The following PACS2 variants were observed in gnomAD, a reference collection of about 807,000 sequenced individuals.
The protein encoded by PACS2 is phosphofurin acidic cluster sorting protein 2.
A neutral mutation model predicts 113.0 loss-of-function variants in PACS2; 36 were observed. The ratio of observed to expected loss-of-function variants is 0.32; its 90% CI spans 0.24 to 0.42. The LOEUF (loss-of-function observed/expected upper bound fraction) is 0.42. PACS2 is among the 10% of genes least tolerant of loss of function. The probability of loss-of-function intolerance (pLI) is 1.00; values close to 1 mark genes in which losing one functional copy is unlikely to be tolerated. For synonymous variants in PACS2, 589 were observed against 536.1 expected (o/e 1.10, Z -1.36); for missense variants, 1,015 against 1,239.5 (o/e 0.82, Z 2.72).
At chr14:105,350,175 G>A (rs587618572) in intron 2 of PACS2, among the ~76,000 whole-genome samples, 68 of 152,270 alleles carry the variant, frequency 4.5e-4, no homozygotes, top group Non-Finnish European at 8.2e-4. Context: ...CGTCCCTGGG[G>A]AACAGGGAGC....
At chr14:105,302,422 TG>T (rs1293797534) in intron 1 of PACS2, among the ~76,000 whole-genome samples, 9 of 151,812 alleles carry the variant, frequency 5.9e-5, no homozygotes, top group African/African-American at 1.9e-4. Context: ...AGGCCAGTCT[TG>T]AACTCCCGAC....
chr14:105,304,133 G>A (rs897838235), intron 1 of PACS2, among the ~76,000 whole-genome samples: 20 of 152,232 alleles, frequency 1.3e-4, no homozygotes, highest in African/African-American at 4.3e-4. Flanking sequence ...AGGCTGTACA[G>A]GACAGGATTG....
chr14:105,349,878 G>A (rs1443722815), intron 2 of PACS2, among the ~76,000 whole-genome samples: 2 of 147,598 alleles, frequency 1.4e-5, no homozygotes, highest in Admixed American at 6.6e-5. Flanking sequence ...CCAGGAGAGC[G>A]TGGCTAATAG....
chr14:105,362,243 A>G (rs7160904), intron 4 of PACS2, among the ~76,000 whole-genome samples: 4 of 150,128 alleles, frequency 2.7e-5, no homozygotes, highest in Non-Finnish European at 4.4e-5. Context: ...ACAGTGAAAC[A>G]CCGTCTCTAC....
chr14:105,331,546 T>C (rs10148379), intron 1 of PACS2, among the ~76,000 whole-genome samples: 17,609 of 152,192 alleles, frequency 0.12, 3,455 homozygotes, highest in African/African-American at 0.4. Context: ...CCTCCTAAAG[T>C]GCTGGGATTA....
chr14:105,306,428 C>T (rs142617367), intron 1 of PACS2, among the ~76,000 whole-genome samples: 5,795 of 152,132 alleles, frequency 0.038, 410 homozygotes, highest in African/African-American at 0.13. Context: ...CTCAGCCTCC[C>T]GATTAGCTGG....
At chr14:105,360,182 G>A (rs1449698606) in intron 4 of PACS2, among the ~76,000 whole-genome samples, 1 of 152,182 alleles carries the variant, frequency 6.6e-6, no homozygotes, top group Admixed American at 6.5e-5. Flanking sequence ...TGTTTACACT[G>A]TACTGTAGTC....
chr14:105,304,466 C>T (rs187126279), intron 1 of PACS2, among the ~76,000 whole-genome samples: 28 of 151,628 alleles, frequency 1.8e-4, no homozygotes, highest in East Asian at 1.2e-3. Context: ...TCAGCCTGGA[C>T]GACAAGAGTG....
chr14:105,379,673 C>G, intron 9 of PACS2, 66 bp from the exon 10 acceptor site: 1 of 1,317,040 alleles, frequency 7.6e-7, no homozygotes, highest in East Asian at 2.3e-5. Context: ...GGTGGGAGAA[C>G]TGCGCTTTCA....
At chr14:105,368,313 GT>G in intron 6 of PACS2, 145 bp from the exon 7 acceptor site, 1 of 820,394 alleles carries the variant, frequency 1.2e-6, no homozygotes. Flanking sequence ...AGGGGCCCGA[GT>G]TTATGCTCAG....
In PACS2 at chr14:105,356,759, T is replaced by C. The variant is rs2060465132; in HGVS notation, c.423+1582T>C. On this transcript the variant is annotated intron_variant, in intron 4 of 24. Coordinates refer to ENST00000447393, the MANE Select transcript of PACS2 (RefSeq NM_001100913.3). The surrounding 1 kb of genome is among the most constrained non-coding windows in gnomAD (Gnocchi z 4.0). ...TCCCTGCCGGTCCCTGTGTTTCCCA[T>C]TAGCCATGCAGGCGAGGTCCTGCTG... 1.3e-5 allele frequency among the ~76,000 whole-genome samples: 2 copies of C among 148,684 alleles called. No individual in the cohort carries two copies. The highest frequency in any genetic ancestry group is 3.0e-5 in the Non-Finnish European group (2 of 67,130).
upstream of PACS2, among the ~76,000 whole-genome samples, chr14:105,313,547 T>TA (rs1195887856): frequency 1.4e-4 from 21 of 152,214 alleles, no homozygotes; most frequent in Admixed American, 1.3e-3. Context: ...ATACAGGAGT[T>TA]ACAGCTGGAG....
At chr14:105,302,493 G>C (rs867200898) in intron 1 of PACS2, among the ~76,000 whole-genome samples, 2 of 151,748 alleles carry the variant, frequency 1.3e-5, no homozygotes, top group African/African-American at 4.8e-5. Flanking sequence ...ATGAGCCACC[G>C]TGCATGGCCC....
chr14:105,385,000 G>A lies in PACS2; in HGVS notation c.2000+13G>A, dbSNP rs781807539. On this transcript the variant is annotated intron_variant, in intron 18 of 24. Coordinates refer to ENST00000447393, the MANE Select transcript of PACS2 (RefSeq NM_001100913.3). ...ACAAGCAGAAGAGGTAACGCGGTGG[G>A]CCCAGGCACCATACCACAGGCTGCC... 4.5e-5 allele frequency: 66 copies of A among 1,483,020 alleles called. No individual in the cohort carries two copies. The highest frequency in any genetic ancestry group is 2.1e-4 in the Middle Eastern group (1 of 4,800). The allele number at this position is 1,483,020 out of a possible 1,614,324, so 91.9% of individuals were successfully genotyped here.
intron 20 of PACS2, 162 bp from the exon 21 acceptor site, chr14:105,391,045 C>T: frequency 1.5e-6 from 1 of 650,512 alleles, no homozygotes; most frequent in South Asian, 1.7e-5. Context: ...CTCAGCTCTG[C>T]TCCACAGATG....
Position 105,330,701 on chromosome 14 carries a change from C to A in PACS2, c.119+15664C>A, listed in dbSNP as rs587764725. Among the ~76,000 whole-genome samples the A allele has an allele frequency of 6.6e-4, 100 of 152,370 alleles. 2 individuals carry two copies. Among genetic ancestry groups the A allele is most frequent in the South Asian group, 1.4e-3 (7 of 4,830 alleles). ...GGCCCCACCCAACACCCACGCATTT[C>A]CTGTCTTTTCTCAGGCAATCGCCAT... On this transcript the variant is annotated intron_variant, in intron 1 of 24. Transcript: ENST00000447393. This position sits in a 1 kb window ranked among gnomAD's most constrained non-coding sequence, Gnocchi z 6.9.
intron 14 of PACS2, 86 bp downstream of exon 14, chr14:105,382,667 C>G (rs1488104152): frequency 2.0e-6 from 2 of 993,692 alleles, no homozygotes; most frequent in Non-Finnish European, 3.2e-6. Flanking sequence ...CCCGGCACAC[C>G]TGGGTGCTGG....
chr14:105,375,334 C>T (rs587615534), intron 8 of PACS2, among the ~76,000 whole-genome samples: 40 of 151,992 alleles, frequency 2.6e-4, no homozygotes, highest in Admixed American at 7.9e-4. Context: ...AAAAAGTAGC[C>T]GGGCGTGGTG....
chr14:105,342,230 CTGTGTGTGTGTGTGTG>C (rs373390359), intron 1 of PACS2, among the ~76,000 whole-genome samples: 13 of 140,338 alleles, frequency 9.3e-5, no homozygotes, highest in African/African-American at 1.3e-4. Flanking sequence ...AAGCTGCTGC[CTGTGTGTGTGTGTGTG>C]TGTGTGTGTG....
Sources: gnomAD v4.1 joint callset for allele counts (sites outside exome capture counted in the v4.1 genomes callset) on GRCh38, gnomAD v4.1.1 for gene constraint, Gnocchi (gnomAD v3.1) non-coding constraint, MANE v1.5 for transcripts, NCBI Gene and HGNC (gene_info 2026-07-23, HGNC 2026-07-21) for gene names.